The following CDH13 variants were observed in gnomAD, a reference collection of about 807,000 sequenced individuals.
CDH13 encodes the protein cadherin-13.
A neutral mutation model predicts 63.8 loss-of-function variants in CDH13; 24 were observed. The observed-to-expected ratio is 0.38, with a 90% CI of 0.27 to 0.53. The LOEUF (loss-of-function observed/expected upper bound fraction) is 0.53, where lower values mean the gene tolerates loss of function less well. CDH13 is among the 20% of genes least tolerant of loss of function. The pLI is 0.85. For missense variants in CDH13, 1,049 were observed against 903.1 expected, an observed-to-expected ratio of 1.16 and a Z score of -2.07; for synonymous variants, 503 against 355.3, an observed-to-expected ratio of 1.42 and a Z score of -4.67.
intron 5 of CDH13, among the ~76,000 whole-genome samples, chr16:83,239,192 G>A (rs891104252): frequency 4.5e-4 from 69 of 152,166 alleles, no homozygotes; most frequent in Non-Finnish European, 4.4e-4. Context: ...TCATTAATAT[G>A]AGAGATCAAC....
At chr16:83,611,058 G>A (rs1388169663) in intron 8 of CDH13, among the ~76,000 whole-genome samples, 3 of 152,106 alleles carry the variant, frequency 2.0e-5, no homozygotes, top group Admixed American at 2.0e-4. Context: ...TGATGAAGTT[G>A]ACCATCTTCC....
At chr16:82,965,172 C>T (rs1164690766) in intron 2 of CDH13, among the ~76,000 whole-genome samples, 2 of 152,190 alleles carry the variant, frequency 1.3e-5, no homozygotes, top group South Asian at 2.1e-4. Flanking sequence ...CTTCTGCTTC[C>T]AGCCCAAACC....
intron 10 of CDH13, among the ~76,000 whole-genome samples, chr16:83,686,456 A>C (rs185905435): frequency 4.8e-4 from 73 of 152,338 alleles, no homozygotes; most frequent in Non-Finnish European, 8.7e-4. Flanking sequence ...ATTGACTCCA[A>C]AATTCAAAAA....
At chr16:83,193,883 T>A (rs544072839) in intron 4 of CDH13, among the ~76,000 whole-genome samples, 5 of 152,180 alleles carry the variant, frequency 3.3e-5, no homozygotes, top group Non-Finnish European at 7.3e-5. Flanking sequence ...AAAATTAATA[T>A]AAAAACAGAA....
At chr16:82,753,955 T>G (rs768382961) in intron 1 of CDH13, among the ~76,000 whole-genome samples, 29 of 152,216 alleles carry the variant, frequency 1.9e-4, no homozygotes, top group Non-Finnish European at 4.1e-4. Flanking sequence ...ATTCATTGAT[T>G]CACTGTGAAT....
chr16:82,882,403 C>T lies in CDH13; in HGVS notation c.157+23930C>T, dbSNP rs1047657721. On this transcript the variant is annotated intron_variant, in intron 2 of 13. Transcript: ENST00000567109. ...AATCCAGGCAGTCTGGCTCTAGTCTCCAACTCCGCTGCCAATGACCACCAG... is the reference window on the plus strand; with the variant it reads ...AATCCAGGCAGTCTGGCTCTAGTCTTCAACTCCGCTGCCAATGACCACCAG... Among the ~76,000 whole-genome samples, 4 of 152,286 alleles carry T rather than the reference C, an allele frequency of 2.6e-5. No homozygotes were observed. In the South Asian group the frequency reaches 6.2e-4, roughly 24 times the overall value.
intron 5 of CDH13, 78 bp downstream of exon 5, chr16:83,217,575 T>G: frequency 5.6e-6 from 8 of 1,427,528 alleles, no homozygotes; most frequent in Non-Finnish European, 7.7e-6. Context: ...ACTGAGCTCA[T>G]TATTTCTGTG....
At chr16:82,991,757 A>G (rs898477123) in intron 2 of CDH13, among the ~76,000 whole-genome samples, 25 of 152,254 alleles carry the variant, frequency 1.6e-4, no homozygotes, top group African/African-American at 5.5e-4. Flanking sequence ...GATTGTGTCT[A>G]TAAACTGAGA....
At position 83,383,466 on chromosome 16, in the gene CDH13, G is replaced by A. The variant is rs529486127; in HGVS notation, c.781+38460G>A. Among the ~76,000 whole-genome samples, 5 of 152,270 alleles carry A rather than the reference G, an allele frequency of 3.3e-5. No individual in the cohort carries two copies. In the South Asian group the frequency reaches 1.0e-3, roughly 32 times the overall value. On this transcript the variant is annotated intron_variant, in intron 6 of 13. Coordinates refer to ENST00000567109, the MANE Select transcript of CDH13 (RefSeq NM_001257.5). ...TTGACTCACCTGCCAGTTCTTAGCTGAGCATCTGCCCTGATGGTGTGGAGT... is the reference window on the plus strand; with the variant it reads ...TTGACTCACCTGCCAGTTCTTAGCTAAGCATCTGCCCTGATGGTGTGGAGT...
At chr16:83,221,402 C>G (rs2151792878) in intron 5 of CDH13, among the ~76,000 whole-genome samples, 1 of 152,300 alleles carries the variant, frequency 6.6e-6, no homozygotes, top group East Asian at 1.9e-4. Flanking sequence ...AGCTGACATA[C>G]TAATGCAAAG....
intron 1 of CDH13, among the ~76,000 whole-genome samples, chr16:82,792,123 A>G (rs990412725): frequency 4.6e-5 from 7 of 152,108 alleles, no homozygotes; most frequent in Admixed American, 3.3e-4. Flanking sequence ...CTTCCTTCAC[A>G]TAAACCATCC....
At chr16:83,219,131 G>C (rs975510672) in intron 5 of CDH13, among the ~76,000 whole-genome samples, 1 of 152,140 alleles carries the variant, frequency 6.6e-6, no homozygotes. Context: ...GCTGCGTACT[G>C]AGCTGTGGGA....
intron 3 of CDH13, among the ~76,000 whole-genome samples, chr16:83,077,172 C>CTTTTTTTTCTTTTCTTTTT (rs2032901148): frequency 9.7e-6 from 1 of 103,318 alleles, no homozygotes; most frequent in Admixed American, 9.8e-5. Context: ...CTTTTCTTTT[C>CTTTTTTTTCTTTTCTTTTT]TTTTTTTTCT....
chr16:82,973,618 G>A (rs916158053), intron 2 of CDH13, among the ~76,000 whole-genome samples: 3 of 152,206 alleles, frequency 2.0e-5, no homozygotes, highest in African/African-American at 4.8e-5. Flanking sequence ...TCCTGTTAAA[G>A]ACCTGCCCTC....
chr16:83,692,516 A>T (rs1905012588), intron 10 of CDH13, among the ~76,000 whole-genome samples: 2 of 152,112 alleles, frequency 1.3e-5, no homozygotes, highest in Admixed American at 6.5e-5. Context: ...GTTTCTTTCC[A>T]TTTAACTCTT....
chr16:82,866,945 A>G lies in CDH13; in HGVS notation c.157+8472A>G, dbSNP rs570678840. On this transcript the variant is annotated intron_variant, in intron 2 of 13. Transcript: ENST00000567109. Reference sequence around the variant, plus strand: ...GGGATTATGGGTATGACAGTTCAAGATGAGATTTGGGTGGGGCCACAAAGC... The same window carrying G: ...GGGATTATGGGTATGACAGTTCAAGGTGAGATTTGGGTGGGGCCACAAAGC... Among the ~76,000 whole-genome samples the G allele has an allele frequency of 3.3e-4, 50 of 152,266 alleles. 1 individual carries two copies. The highest frequency in any genetic ancestry group is 1.1e-3 in the African/African-American group (47 of 41,556).
intron 3 of CDH13, among the ~76,000 whole-genome samples, chr16:83,055,454 GA>G (rs2030825819): frequency 2.0e-5 from 3 of 150,734 alleles, no homozygotes; most frequent in African/African-American, 4.9e-5. Flanking sequence ...TCAAGAATAA[GA>G]AAAAAGAAGA....
At chr16:83,356,832 G>A (rs2091066053) in intron 6 of CDH13, among the ~76,000 whole-genome samples, 1 of 152,108 alleles carries the variant, frequency 6.6e-6, no homozygotes, top group Non-Finnish European at 1.5e-5. Context: ...TAGACTTACA[G>A]CTTTCTTGCT....
chr16:83,719,852 T>C lies in CDH13; in HGVS notation c.1539-28256T>C, dbSNP rs144831980. On this transcript the variant is annotated intron_variant, in intron 10 of 13. Coordinates refer to ENST00000567109, the MANE Select transcript of CDH13 (RefSeq NM_001257.5). The stretch of plus-strand genomic sequence containing the variant: ...CAGCGTCAGTTGGCCCCACTCACTG[T>C]GGGGCAGAATTTCCCTGGTCTGATG... Among the ~76,000 whole-genome samples the C allele has an allele frequency of 3.9e-5, 6 of 152,278 alleles. No individual in the cohort carries two copies. In the East Asian group the frequency reaches 1.2e-3, roughly 29 times the overall value.
Sources: allele counts gnomAD v4.1 joint callset (sites outside exome capture counted in the v4.1 genomes callset), GRCh38; gene constraint gnomAD v4.1.1; transcripts MANE v1.5; gene names NCBI Gene and HGNC (gene_info 2026-07-23, HGNC 2026-07-21).